The following MATN2 variants were observed in gnomAD, a reference collection of about 807,000 sequenced individuals.
MATN2 encodes matrilin 2, also known as matrilin-2.
Under a neutral mutation model 103.2 loss-of-function variants are expected in MATN2, and 69 were observed. The ratio of observed to expected loss-of-function variants is 0.67; its 90% confidence interval spans 0.55 to 0.82. The LOEUF (loss-of-function observed/expected upper bound fraction) is 0.82. Among genes scored for constraint, MATN2 ranks in the 40% least tolerant of loss-of-function variants. The pLI is 0.00. For missense variants in MATN2, 1,023 were observed against 1,211.5 expected, an observed-to-expected ratio of 0.84 and a Z score of 2.31; for synonymous variants, 429 against 450.2, an observed-to-expected ratio of 0.95 and a Z score of 0.60.
Position 97,978,946 on chromosome 8 carries a change from G to C in MATN2, c.1019G>C (p.Gly340Ala). 6.2e-7 allele frequency: 1 copy of C among 1,613,502 alleles called. No homozygotes were observed. Among genetic ancestry groups the C allele is most frequent in the Non-Finnish European group, 8.5e-7 (1 of 1,179,536 alleles). ...GCEHECVNAD[G>A]SYLCQCHEGF... is the part of the protein sequence containing the mutation. ...GAACATGAGTGTGTAAATGCTGATG[G>C]CTCCTACCTTTGCCAGTGCCATGAA... is the stretch of plus-strand genomic sequence containing the variant. The change falls in exon 6 of 19, where the codon GGC becomes GCC. Residue 340 changes from glycine (G) to alanine (A), a missense_variant. Gly to Ala is a moderately conservative substitution (Grantham distance 60, BLOSUM62 0). Coordinates refer to ENST00000254898, the MANE Select transcript of MATN2 (RefSeq NM_002380.5).
intron 1 of MATN2, among the ~76,000 whole-genome samples, chr8:97,877,968 G>A (rs953490967): frequency 1.3e-5 from 2 of 151,792 alleles, no homozygotes; most frequent in Non-Finnish European, 2.9e-5. Flanking sequence ...CCAGGATTTC[G>A]GGATGACTGC....
chr8:98,027,873 G>C (rs1177711602), intron 14 of MATN2, 44 bp downstream of exon 14: 7 of 1,508,764 alleles, frequency 4.6e-6, no homozygotes, highest in Non-Finnish European at 6.2e-6. Flanking sequence ...CAAGGTTCAG[G>C]TTTCTTAAAC....
chr8:97,931,113 T>C lies in MATN2; in HGVS notation c.303T>C (p.Tyr101=), dbSNP rs376568364. 16 of 1,613,892 alleles carry C rather than the reference T, an allele frequency of 9.9e-6. No individual in the cohort carries two copies. Among genetic ancestry groups the C allele is most frequent in the Non-Finnish European group, 1.4e-5 (16 of 1,179,894 alleles). ...TCACCCGAGTGGGCCTGCTCCAATA[T>C]GGCAGCACTGTCAAGAATGAGTTCT... The part of the protein sequence containing the change: ...PDVTRVGLLQ[Y]GSTVKNEFSL... The change falls in exon 3 of 19, where the codon TAT becomes TAC. Residue 101 remains tyrosine, a synonymous_variant. Coordinates refer to ENST00000254898, the MANE Select transcript of MATN2 (RefSeq NM_002380.5). This position sits in a 1 kb window ranked among gnomAD's most constrained non-coding sequence, Gnocchi z 4.1.
At chr8:97,955,558 A>G (rs766371412) in intron 4 of MATN2, among the ~76,000 whole-genome samples, 2 of 152,258 alleles carry the variant, frequency 1.3e-5, no homozygotes, top group Non-Finnish European at 2.9e-5. Flanking sequence ...ATTTCTGCCC[A>G]GTGACATTTA....
intron 1 of MATN2, among the ~76,000 whole-genome samples, chr8:97,876,299 C>T (rs1563638850): frequency 3.3e-5 from 5 of 151,550 alleles, no homozygotes; most frequent in Admixed American, 1.3e-4. Context: ...AAGTAATTCT[C>T]CTGCCTCAGC....
Position 98,014,824 on chromosome 8 carries a change from C to CA in MATN2, c.1574-1709dup, listed in dbSNP as rs1028577961. Among the ~76,000 whole-genome samples the CA allele has an allele frequency of 4.1e-4, 63 of 151,980 alleles. 2 individuals carry two copies. The highest frequency in any genetic ancestry group is 4.1e-3 in the Admixed American group (63 of 15,256). ...GAGAGATACTGCAAAGATGCTTTACCAAAAAAAGTGTGTGGTTTGTGCCTG... is the reference window on the plus strand; with the variant it reads ...GAGAGATACTGCAAAGATGCTTTACCAAAAAAAAGTGTGTGGTTTGTGCCTG... On this transcript the variant is annotated intron_variant, in intron 10 of 18. Coordinates refer to ENST00000254898, the MANE Select transcript of MATN2 (RefSeq NM_002380.5).
chr8:97,877,402 G>A (rs887804024), intron 1 of MATN2, among the ~76,000 whole-genome samples: 9 of 151,896 alleles, frequency 5.9e-5, no homozygotes, highest in African/African-American at 1.2e-4. Context: ...GCTTGAACCC[G>A]GGAGGCGGAG....
chr8:97,933,180 A>G (rs1810256250), intron 3 of MATN2, among the ~76,000 whole-genome samples: 1 of 152,238 alleles, frequency 6.6e-6, no homozygotes, highest in African/African-American at 2.4e-5. Context: ...TTTCCTTGCC[A>G]TGCCACTTGG....
chr8:97,965,784 C>G lies in MATN2; in HGVS notation c.958+4254C>G, dbSNP rs532213212. 7.2e-5 allele frequency among the ~76,000 whole-genome samples: 11 copies of G among 152,000 alleles called. 1 individual carries two copies. In the South Asian group the frequency reaches 2.3e-3, roughly 32 times the overall value. ...TCACCTGAGGTCAGGAGTTTGTGAC[C>G]AGCCTGGCCAACATGATGAAACTCC... is the stretch of plus-strand genomic sequence containing the variant. On this transcript the variant is annotated intron_variant, in intron 5 of 18. Transcript: ENST00000254898.
At chr8:97,977,303 T>C (rs1232197465) in intron 5 of MATN2, among the ~76,000 whole-genome samples, 4 of 146,482 alleles carry the variant, frequency 2.7e-5, no homozygotes, top group African/African-American at 7.6e-5. Context: ...AGGTGGGACC[T>C]GCTGGAAAGT....
Position 98,007,311 on chromosome 8 carries a change from T to C in MATN2, c.1450+84T>C. 6.3e-7 allele frequency: 1 copy of C among 1,589,646 alleles called. No individual in the cohort carries two copies. The highest frequency in any genetic ancestry group is 8.6e-7 in the Non-Finnish European group (1 of 1,162,386). On this transcript the variant is annotated intron_variant, in intron 9 of 18. Coordinates refer to ENST00000254898, the MANE Select transcript of MATN2 (RefSeq NM_002380.5). The surrounding 1 kb of genome is among the most constrained non-coding windows in gnomAD (Gnocchi z 4.2). ...TGACTGCAGAGGGCACAGGTTGTACTTGGGCACCCCTCCCCTGCCCCTTGC... is the reference window on the plus strand; with the variant it reads ...TGACTGCAGAGGGCACAGGTTGTACCTGGGCACCCCTCCCCTGCCCCTTGC...
At chr8:98,013,219 T>C (rs1258384174) in intron 10 of MATN2, among the ~76,000 whole-genome samples, 1 of 152,246 alleles carries the variant, frequency 6.6e-6, no homozygotes, top group African/African-American at 2.4e-5. Context: ...ACCTTTGGCA[T>C]TCTCTAATTT....
chr8:97,929,083 G>C (rs4735511), intron 2 of MATN2, among the ~76,000 whole-genome samples: 63,564 of 151,948 alleles, frequency 0.42, 14,454 homozygotes, highest in East Asian at 0.84. Context: ...CAGCCCTCAG[G>C]GTTATGCATG....
At chr8:97,988,075 G>A (rs1442175371) in intron 6 of MATN2, among the ~76,000 whole-genome samples, 1 of 146,664 alleles carries the variant, frequency 6.8e-6, no homozygotes, top group East Asian at 2.0e-4. Context: ...TCTGAACACT[G>A]TGGGAGGCCA....
At position 97,971,189 on chromosome 8, in the gene MATN2, G is replaced by A. The variant is rs117478053; in HGVS notation, c.959-7697G>A. On this transcript the variant is annotated intron_variant, in intron 5 of 18. Coordinates refer to ENST00000254898, the MANE Select transcript of MATN2 (RefSeq NM_002380.5). ...TCCTGACGGTTTGGTTCTTGAGAAG[G>A]GTTCTCAGATAAAACAAATGTAACT... Among the ~76,000 whole-genome samples, 748 of 152,178 alleles carry A rather than the reference G, an allele frequency of 4.9e-3. 5 individuals carry two copies. The highest frequency in any genetic ancestry group is 0.011 in the Admixed American group (163 of 15,296).
At chr8:98,018,490 G>T (rs11991161) in intron 12 of MATN2, among the ~76,000 whole-genome samples, 10 of 152,062 alleles carry the variant, frequency 6.6e-5, no homozygotes, top group African/African-American at 2.4e-4. Context: ...TTGGCAGACC[G>T]TAAAAGTAAG....
chr8:97,993,778 G>T (rs1812473454), intron 6 of MATN2, among the ~76,000 whole-genome samples: 1 of 152,048 alleles, frequency 6.6e-6, no homozygotes. Context: ...TTGTTTGATG[G>T]GTTTAAGTGG....
At chr8:97,998,127 G>A (rs1449229705) in intron 7 of MATN2, among the ~76,000 whole-genome samples, 1 of 151,478 alleles carries the variant, frequency 6.6e-6, no homozygotes, top group Non-Finnish European at 1.5e-5. Context: ...GCCGAAAAGG[G>A]TGGTATTTGA....
chr8:97,929,827 G>A (rs192813371), intron 2 of MATN2, among the ~76,000 whole-genome samples: 1 of 152,288 alleles, frequency 6.6e-6, no homozygotes, highest in Admixed American at 6.5e-5. Context: ...GCCAGACTCT[G>A]TTGACTTTTC....
Sources: allele counts gnomAD v4.1 joint callset (sites outside exome capture counted in the v4.1 genomes callset), GRCh38; gene constraint gnomAD v4.1.1; non-coding constraint Gnocchi (gnomAD v3.1); transcripts MANE v1.5; gene names NCBI Gene and HGNC (gene_info 2026-07-23, HGNC 2026-07-21).